The following PCDHA2 variants were observed in gnomAD, a reference collection of about 807,000 sequenced individuals.
The protein encoded by PCDHA2 is protocadherin alpha-2.
PCDHA2 carries 58 observed loss-of-function variants against 66.0 expected under a neutral mutation model. The ratio of observed to expected loss-of-function variants is 0.88; its 90% CI spans 0.71 to 1.09. The LOEUF is 1.09. Ranked by LOEUF, PCDHA2 falls within the 50% of genes least tolerant of loss-of-function variation. PCDHA2 has a pLI of 0.00. For synonymous variants in PCDHA2, 634 were observed against 554.0 expected (o/e 1.14, Z -2.03); for missense variants, 1,267 against 1,242.3 (o/e 1.02, Z -0.30).
At chr5:140,967,113 G>T in intron 1 of PCDHA2, 1 of 1,612,880 alleles carries the variant, frequency 6.2e-7, no homozygotes, top group Non-Finnish European at 8.5e-7. Flanking sequence ...CAGCGGCCTC[G>T]CTGCCTGCTC....
chr5:140,871,419 C>T, intron 1 of PCDHA2: 1 of 1,613,732 alleles, frequency 6.2e-7, no homozygotes, highest in South Asian at 1.1e-5. Flanking sequence ...TGGCCTTCAG[C>T]CCCAGTCTTC....
At position 140,811,844 on chromosome 5, in the gene PCDHA2, G is replaced by GT. The variant is rs1299388678; in HGVS notation, c.2388+14498dup. On this transcript the variant is annotated intron_variant, in intron 1 of 3. Coordinates refer to ENST00000526136, the MANE Select transcript of PCDHA2 (RefSeq NM_018905.3). ...TATCCTTTGCCCACTTTTTGATAGG[G>GT]TTTTTTGTTTTTTTCTTGTAAATGT... 1.2e-4 allele frequency: 18 copies of GT among 152,224 alleles called. No homozygotes were observed. In the East Asian group the frequency reaches 3.3e-3, roughly 28 times the overall value. 9.4% of individuals were successfully genotyped at this position (152,224 alleles called of 1,614,324 possible).
intron 1 of PCDHA2, chr5:140,849,562 C>G (rs1188964395): frequency 6.3e-7 from 1 of 1,598,438 alleles, no homozygotes; most frequent in Non-Finnish European, 8.6e-7. Context: ...AAAACGCTCT[C>G]GGTTCCTGTA....
intron 1 of PCDHA2, among the ~76,000 whole-genome samples, chr5:140,887,198 G>A (rs1276345927): frequency 2.6e-5 from 4 of 151,490 alleles, no homozygotes; most frequent in Admixed American, 2.6e-4. Flanking sequence ...CCGGGTTCAC[G>A]CCATTCTCCT....
At chr5:140,872,614 T>G (rs1001550468) in intron 1 of PCDHA2, among the ~76,000 whole-genome samples, 1 of 152,320 alleles carries the variant, frequency 6.6e-6, no homozygotes, top group Admixed American at 6.5e-5. Flanking sequence ...TAATTTTTTT[T>G]GCCTGTTCTT....
intron 1 of PCDHA2, chr5:140,850,485 A>G: frequency 1.3e-6 from 2 of 1,597,954 alleles, no homozygotes; most frequent in Non-Finnish European, 1.7e-6. Context: ...GGCCACGGCC[A>G]CTGTGCTGGT....
intron 1 of PCDHA2, chr5:140,822,714 C>G: frequency 6.2e-7 from 1 of 1,610,946 alleles, no homozygotes; most frequent in Non-Finnish European, 8.5e-7. Context: ...AAGACTATAA[C>G]TCATATGAAA....
chr5:140,905,342 TGTAA>T (rs2071759657), intron 1 of PCDHA2, among the ~76,000 whole-genome samples: 1 of 152,234 alleles, frequency 6.6e-6, no homozygotes, highest in Non-Finnish European at 1.5e-5. Context: ...ATCAGTTGGC[TGTAA>T]GTATTTGACT....
intron 3 of PCDHA2, among the ~76,000 whole-genome samples, chr5:140,988,142 A>G (rs1017336547): frequency 5.3e-5 from 8 of 152,056 alleles, no homozygotes; most frequent in African/African-American, 1.4e-4. Context: ...AACCTGTTCA[A>G]CCTCAACTTC....
At chr5:140,922,661 T>C (rs1255153267) in intron 1 of PCDHA2, among the ~76,000 whole-genome samples, 2 of 152,156 alleles carry the variant, frequency 1.3e-5, no homozygotes, top group African/African-American at 4.8e-5. Context: ...ATGGCTATAC[T>C]GCAAGCAGTA....
At chr5:140,851,722 C>T (rs2042141470) in intron 1 of PCDHA2, 8 of 966,996 alleles carry the variant, frequency 8.3e-6, no homozygotes, top group East Asian at 1.1e-4. Flanking sequence ...TTCGAAACTT[C>T]GAGTTCTTTT....
intron 1 of PCDHA2, among the ~76,000 whole-genome samples, chr5:140,950,648 T>C (rs2153690319): frequency 6.6e-6 from 1 of 152,222 alleles, no homozygotes; most frequent in East Asian, 1.9e-4. Flanking sequence ...CTGTTTATGG[T>C]TGGCTGAGTT....
At chr5:140,925,082 A>G (rs1362065754) in intron 1 of PCDHA2, among the ~76,000 whole-genome samples, 1 of 147,284 alleles carries the variant, frequency 6.8e-6, no homozygotes, top group African/African-American at 2.6e-5. Context: ...GCTCATCTGG[A>G]AAGGAAGGAA....
intron 1 of PCDHA2, among the ~76,000 whole-genome samples, chr5:140,912,343 A>ATT (rs35252606): frequency 2.1e-4 from 30 of 143,908 alleles, no homozygotes; most frequent in African/African-American, 6.1e-4. Context: ...TACACTAAGT[A>ATT]TTTTTTTTTT....
chr5:140,958,492 A>G (rs2095426229), intron 1 of PCDHA2, among the ~76,000 whole-genome samples: 1 of 152,112 alleles, frequency 6.6e-6, no homozygotes, highest in Non-Finnish European at 1.5e-5. Context: ...AAGTCCACAT[A>G]TCCTAGGAGG....
chr5:140,836,517 G>T (rs782570045), intron 1 of PCDHA2: 2 of 1,613,750 alleles, frequency 1.2e-6, no homozygotes, highest in African/African-American at 1.3e-5. Context: ...CAGTCTGTTG[G>T]TGCTTACCCT....
chr5:140,875,172 C>A (rs999085761), intron 1 of PCDHA2: 1 of 386,866 alleles, frequency 2.6e-6, no homozygotes. Context: ...AAAGTCGAAA[C>A]ATTAGAATTA....
intron 1 of PCDHA2, among the ~76,000 whole-genome samples, chr5:140,901,849 A>AT (rs1167488433): frequency 2.0e-5 from 3 of 151,932 alleles, no homozygotes; most frequent in Non-Finnish European, 4.4e-5. Context: ...ATATCTTTCC[A>AT]TTTTTTTGTG....
chr5:140,926,823 G>A (rs1454618329), intron 1 of PCDHA2: 2 of 1,496,880 alleles, frequency 1.3e-6, no homozygotes, highest in Non-Finnish European at 1.8e-6. Flanking sequence ...TGCTCTCCAG[G>A]AGTCCGGAGC....
Sources: gnomAD v4.1 joint callset for allele counts (sites outside exome capture counted in the v4.1 genomes callset) on GRCh38, gnomAD v4.1.1 for gene constraint, MANE v1.5 for transcripts, NCBI Gene and HGNC (gene_info 2026-07-23, HGNC 2026-07-21) for gene names.